Variants in MX2 observed in about 807,000 individuals in gnomAD.
The protein encoded by MX2 is interferon-induced GTP-binding protein Mx2.
A neutral mutation model predicts 74.0 loss-of-function variants in MX2; 51 were observed. The observed-to-expected ratio is 0.69, with a 90% CI of 0.55 to 0.87. MX2 has a LOEUF of 0.87. Ranked by LOEUF, MX2 falls within the 40% of genes least tolerant of loss-of-function variation. The pLI is 0.00. For synonymous variants in MX2, 369 were observed against 339.3 expected, an observed-to-expected ratio of 1.09 and a Z score of -0.96; for missense variants, 832 against 908.7, an observed-to-expected ratio of 0.92 and a Z score of 1.09.
At chr21:41,405,967 G>C (rs1325310447) in intron 12 of MX2, among the ~76,000 whole-genome samples, 1 of 151,862 alleles carries the variant, frequency 6.6e-6, no homozygotes, top group African/African-American at 2.4e-5. Context: ...GCCTCCCAAA[G>C]TGCTGGGATT....
chr21:41,373,336 G>A (rs1261848707), intron 1 of MX2, among the ~76,000 whole-genome samples: 1 of 152,194 alleles, frequency 6.6e-6, no homozygotes, highest in African/African-American at 2.4e-5. Context: ...CCAGGCCCAG[G>A]AGCCCCGGCT....
At chr21:41,396,934 G>A (rs58248503) in intron 7 of MX2, among the ~76,000 whole-genome samples, 17,666 of 152,178 alleles carry the variant, frequency 0.12, 1,481 homozygotes, top group East Asian at 0.27. Context: ...CTTCTAACAG[G>A]TTCCTCCTGG....
intron 10 of MX2, 92 bp from the exon 11 acceptor site, chr21:41,401,878 A>G (rs976380465): frequency 2.1e-6 from 3 of 1,397,572 alleles, no homozygotes; most frequent in Middle Eastern, 1.8e-4. Flanking sequence ...CTCTGCGTAC[A>G]GTGGGGAGCA....
At position 41,395,618 on chromosome 21, in the gene MX2, G is replaced by A. The variant is rs755572441; in HGVS notation, c.903G>A (p.Arg301=). 2 of 1,614,114 alleles carry A rather than the reference G, an allele frequency of 1.2e-6. No individual in the cohort carries two copies. Among genetic ancestry groups the A allele is most frequent in the South Asian group, 1.1e-5 (1 of 91,086 alleles). The change falls in exon 7 of 14, where the codon AGG becomes AGA. Residue 301 remains arginine (R), a synonymous_variant. Transcript: ENST00000330714. ...GILTKPDLMD[R]GTEKSVMNVV... ...TGACCAAACCAGATCTAATGGACAG[G>A]GGCACTGAGAAAAGCGTCATGAATG... is the stretch of plus-strand genomic sequence containing the variant.
At chr21:41,376,380 C>T (rs2089401785) in intron 1 of MX2, among the ~76,000 whole-genome samples, 1 of 152,094 alleles carries the variant, frequency 6.6e-6, no homozygotes, top group Non-Finnish European at 1.5e-5. Flanking sequence ...ATAAAAAATA[C>T]ACACACACAA....
In MX2 at chr21:41,399,602, G is replaced by A. The variant is rs1312466582; in HGVS notation, c.1414+265G>A. 4 of 342,522 alleles carry A rather than the reference G, an allele frequency of 1.2e-5. No individual in the cohort carries two copies. The South Asian group carries it at 1.5e-4, about 13-fold the overall frequency. The allele number at this position is 342,522 out of a possible 1,614,324, so 21.2% of individuals were successfully genotyped here. On this transcript the variant is annotated intron_variant, in intron 10 of 13. Transcript: ENST00000330714. The stretch of plus-strand genomic sequence containing the variant: ...TTTTGTTGAGACAGGGTCTCCCTCT[G>A]TTGCCTAGGCTGGAGTGTAGTGGCG...
rs754486957 is a variant in MX2 at position 41,397,562 on chromosome 21, A to ACT, written c.1071-51_1071-50insCT. On this transcript the variant is annotated intron_variant, in intron 7 of 13. Transcript: ENST00000330714. ...ACCACGCACAAAGTCCGGTACTAGC[A>ACT]AGATGGTACACAAGTCCTTCCTGAA... 2.6e-6 allele frequency: 4 copies of ACT among 1,548,850 alleles called. No homozygotes were observed. In the African/African-American group the frequency reaches 5.4e-5, roughly 21 times the overall value.
At chr21:41,383,217 G>A (rs890423126) in intron 5 of MX2, among the ~76,000 whole-genome samples, 16 of 152,138 alleles carry the variant, frequency 1.1e-4, no homozygotes, top group Non-Finnish European at 1.5e-4. Flanking sequence ...AAAATTAGCC[G>A]GGTGCAGTGG....
Position 41,376,713 on chromosome 21 carries a change from G to A in MX2, c.-71-123G>A, listed in dbSNP as rs566787637. The A allele has an allele frequency of 5.8e-5, 40 of 688,878 alleles. No homozygotes were observed. The South Asian group carries it at 7.3e-4, about 13-fold the overall frequency. The allele number at this position is 688,878 out of a possible 1,614,324, so 42.7% of individuals were successfully genotyped here. A position where few individuals can be genotyped will look rare whatever the true frequency, so the allele number is the denominator to read the frequency against. Reference sequence around the variant, plus strand: ...GACAGGGGCCCTGCACTGGACCCCTGGTCTCTGCATCTGTGTGTAGGGGGT... The same window carrying A: ...GACAGGGGCCCTGCACTGGACCCCTAGTCTCTGCATCTGTGTGTAGGGGGT... On this transcript the variant is annotated intron_variant, in intron 1 of 13. Transcript: ENST00000330714.
Position 41,382,394 on chromosome 21 carries a change from C to T in MX2, c.578-16C>T, listed in dbSNP as rs776331568. ...TTAATGAGGGCTCTGGGTTTCTCCCCTCCTGGCCTCCATAGCCCAGAACGT... is the reference window on the plus strand; with the variant it reads ...TTAATGAGGGCTCTGGGTTTCTCCCTTCCTGGCCTCCATAGCCCAGAACGT... On this transcript the variant is annotated splice_polypyrimidine_tract_variant and intron_variant, in intron 4 of 13. Transcript: ENST00000330714. 6.2e-7 allele frequency: 1 copy of T among 1,612,534 alleles called. No homozygotes were observed. Among genetic ancestry groups the T allele is most frequent in the East Asian group, 2.2e-5 (1 of 44,840 alleles).
intron 4 of MX2, among the ~76,000 whole-genome samples, chr21:41,381,031 C>T (rs554926040): frequency 7.9e-5 from 12 of 152,214 alleles, no homozygotes; most frequent in Non-Finnish European, 1.6e-4. Context: ...GCCCTTTAGA[C>T]GACCCTGTGG....
At chr21:41,393,017 A>C (rs148786113) in intron 6 of MX2, among the ~76,000 whole-genome samples, 1 of 151,434 alleles carries the variant, frequency 6.6e-6, no homozygotes, top group East Asian at 2.0e-4. Context: ...GAGGCACGAG[A>C]ATCGCTTGAA....
At chr21:41,394,982 A>AGAAG (rs147857177) in intron 6 of MX2, among the ~76,000 whole-genome samples, 10,217 of 151,124 alleles carry the variant, frequency 0.068, 966 homozygotes, top group African/African-American at 0.21. Flanking sequence ...AAGCAAGGAA[A>AGAAG]GAAGGAAGGA....
chr21:41,404,076 G>T (rs1002780468), intron 12 of MX2: 2 of 175,776 alleles, frequency 1.1e-5, no homozygotes, highest in Non-Finnish European at 2.4e-5. Flanking sequence ...GTCCTTCCCG[G>T]GCCTTGGTCC....
chr21:41,397,839 C>G (rs986326203), intron 8 of MX2, 148 bp downstream of exon 8: 1 of 605,418 alleles, frequency 1.7e-6, no homozygotes, highest in Non-Finnish European at 2.9e-6. Context: ...GTCACAGGCT[C>G]ACTGGAAGAA....
intron 1 of MX2, chr21:41,370,672 G>A (rs1414203618): frequency 1.3e-5 from 2 of 152,250 alleles, no homozygotes; most frequent in African/African-American, 2.4e-5. Context: ...ATTGCCTTCA[G>A]TGAAATTGAG....
At chr21:41,407,052 A>AG in intron 13 of MX2, 54 bp downstream of exon 13, 1 of 1,579,184 alleles carries the variant, frequency 6.3e-7, no homozygotes, top group South Asian at 1.2e-5. Context: ...AGAGCTGAGT[A>AG]GGGGCTATGC....
At chr21:41,393,530 T>C (rs1309980616) in intron 6 of MX2, among the ~76,000 whole-genome samples, 3 of 151,698 alleles carry the variant, frequency 2.0e-5, no homozygotes, top group African/African-American at 7.3e-5. Flanking sequence ...CACCATTCTC[T>C]CTCTCTCGGG....
At chr21:41,389,638 G>A (rs1373125728) in intron 5 of MX2, 2 of 152,204 alleles carry the variant, frequency 1.3e-5, no homozygotes, top group African/African-American at 4.8e-5. Flanking sequence ...CATTGGGCCT[G>A]TTTGTATTTG....
Sources: gnomAD v4.1 joint callset for allele counts (sites outside exome capture counted in the v4.1 genomes callset) on GRCh38, gnomAD v4.1.1 for gene constraint, MANE v1.5 for transcripts, NCBI Gene and HGNC (gene_info 2026-07-23, HGNC 2026-07-21) for gene names.